HSPBAP1: variants seen among roughly 807,000 people sequenced by gnomAD.
HSPBAP1 encodes HSPB1-associated protein 1.
Under a neutral mutation model 45.2 loss-of-function variants are expected in HSPBAP1, and 27 were observed. The ratio of observed to expected loss-of-function variants is 0.60; its 90% CI spans 0.44 to 0.82. The LOEUF (loss-of-function observed/expected upper bound fraction) is 0.82, where lower values mean the gene tolerates loss of function less well. HSPBAP1 is among the 40% of genes least tolerant of loss of function. The pLI, the probability that HSPBAP1 is intolerant of heterozygous loss-of-function variation, is 0.00. For missense variants in HSPBAP1, 510 were observed against 590.9 expected (o/e 0.86, Z 1.42); for synonymous variants, 204 against 202.7 (o/e 1.01, Z -0.06).
In HSPBAP1 at chr3:122,741,031, T is replaced by C. The variant is rs1241238364; in HGVS notation, c.908A>G (p.Asn303Ser). The C allele has an allele frequency of 3.1e-6, 5 of 1,614,090 alleles. No individual in the cohort carries two copies. Among genetic ancestry groups the C allele is most frequent in the African/African-American group, 1.3e-5 (1 of 74,948 alleles). ...CALKTAENPQ[N>S]TRAWLNPTEV... ...AGTGGGGTTTAACCAGGCTCTGGTA[T>C]TTTGTGGATTCTCTGCAGTTTTCAG... The change falls in exon 7 of 8, where the codon AAT becomes AGT. Residue 303 changes from asparagine (N) to serine (S), a missense_variant. By Grantham distance (46) the Asn-to-Ser change is conservative. Coordinates refer to ENST00000306103, the MANE Select transcript of HSPBAP1 (RefSeq NM_024610.6).
intron 2 of HSPBAP1, among the ~76,000 whole-genome samples, chr3:122,775,817 T>C (rs1935175711): frequency 6.6e-6 from 1 of 152,220 alleles, no homozygotes; most frequent in African/African-American, 2.4e-5. Context: ...AACATGTACA[T>C]GAATGTTCAT....
At chr3:122,754,601 G>A (rs1189266795) in intron 5 of HSPBAP1, 2 of 983,736 alleles carry the variant, frequency 2.0e-6, no homozygotes, top group East Asian at 2.3e-4. Context: ...ATGGATGGAA[G>A]ACAGGCAAGG....
chr3:122,743,503 T>G (rs1428427210), intron 6 of HSPBAP1, among the ~76,000 whole-genome samples: 1 of 152,036 alleles, frequency 6.6e-6, no homozygotes, highest in African/African-American at 2.4e-5. Flanking sequence ...GAGGCGGAGG[T>G]TGCGGTGGGC....
intron 6 of HSPBAP1, among the ~76,000 whole-genome samples, chr3:122,747,508 G>C (rs1040450580): frequency 1.3e-5 from 2 of 150,268 alleles, no homozygotes; most frequent in Non-Finnish European, 1.5e-5. Context: ...CCCCCCTCCC[G>C]GCCAGCCGCC....
intron 1 of HSPBAP1, among the ~76,000 whole-genome samples, chr3:122,789,062 T>C (rs1384575969): frequency 6.6e-6 from 1 of 152,226 alleles, no homozygotes; most frequent in Non-Finnish European, 1.5e-5. Flanking sequence ...ACATGGGAAT[T>C]TTTTACTTTT....
chr3:122,770,571 C>T (rs1253330875), intron 2 of HSPBAP1, among the ~76,000 whole-genome samples: 4 of 152,008 alleles, frequency 2.6e-5, no homozygotes, highest in African/African-American at 7.2e-5. Flanking sequence ...TGTGGTAGCA[C>T]GTGCCTGTAG....
At chr3:122,772,985 A>G (rs563190979) in intron 2 of HSPBAP1, among the ~76,000 whole-genome samples, 5 of 151,980 alleles carry the variant, frequency 3.3e-5, no homozygotes, top group Non-Finnish European at 5.9e-5. Flanking sequence ...AGTAGCTAAG[A>G]CTACAGGTGT....
intron 2 of HSPBAP1, 22 bp downstream of exon 2, chr3:122,777,699 T>C (rs1299736233): frequency 1.9e-6 from 3 of 1,564,704 alleles, no homozygotes; most frequent in Non-Finnish European, 2.6e-6. Flanking sequence ...GACATTATGA[T>C]GGTGATTACC....
chr3:122,751,380 A>G (rs1260407595), intron 6 of HSPBAP1, among the ~76,000 whole-genome samples: 2 of 152,218 alleles, frequency 1.3e-5, no homozygotes, highest in African/African-American at 4.8e-5. Flanking sequence ...GTAATTATCT[A>G]TGTTAGACAG....
intron 6 of HSPBAP1, among the ~76,000 whole-genome samples, chr3:122,747,533 G>T (rs1484544584): frequency 1.3e-5 from 2 of 149,386 alleles, no homozygotes; most frequent in Non-Finnish European, 3.0e-5. Context: ...CTCGGAGGGA[G>T]GTGGGGGTCA....
At chr3:122,764,606 T>C (rs1189451356) in intron 3 of HSPBAP1, among the ~76,000 whole-genome samples, 1 of 152,216 alleles carries the variant, frequency 6.6e-6, no homozygotes, top group Admixed American at 6.5e-5. Flanking sequence ...CTGACTTTTG[T>C]GTATAGCAAA....
At position 122,740,603 on chromosome 3, in the gene HSPBAP1, A is replaced by G. The variant is rs760980916; in HGVS notation, c.1209T>C (p.Pro403=). Residue 403 remains proline (P), a synonymous_variant, in exon 8 of 8, where the codon CCT becomes CCC. Coordinates refer to ENST00000306103, the MANE Select transcript of HSPBAP1 (RefSeq NM_024610.6). The stretch of plus-strand genomic sequence containing the variant: ...TTCCAAATATGCCTCCTCTTTCTGA[A>G]GGCGGTTCTTCGGACCTCTGTGCTA... The part of the protein sequence containing the change: ...VPVAQRSEEP[P]SERGGIFGSD... 5 of 1,614,186 alleles carry G rather than the reference A, an allele frequency of 3.1e-6. No homozygotes were observed. In the Admixed American group the frequency reaches 8.3e-5, roughly 27 times the overall value.
In HSPBAP1 at chr3:122,759,752, G is replaced by A. The variant is rs534163655; in HGVS notation, c.433-392C>T. Among the ~76,000 whole-genome samples, 6 of 152,180 alleles carry A rather than the reference G, an allele frequency of 3.9e-5. No individual in the cohort carries two copies. The South Asian group carries it at 1.0e-3, about 26-fold the overall frequency. Reference sequence around the variant, plus strand: ...AGGGAAAGCGTGTTTTGGGCAGTTAGAACAGTGAATGCAGCGGAAATGGCA... The same window carrying A: ...AGGGAAAGCGTGTTTTGGGCAGTTAAAACAGTGAATGCAGCGGAAATGGCA... On this transcript the variant is annotated intron_variant, in intron 3 of 7. Coordinates refer to ENST00000306103, the MANE Select transcript of HSPBAP1 (RefSeq NM_024610.6).
At chr3:122,758,011 T>C (rs1168999007) in intron 4 of HSPBAP1, among the ~76,000 whole-genome samples, 1 of 152,242 alleles carries the variant, frequency 6.6e-6, no homozygotes, top group Non-Finnish European at 1.5e-5. Context: ...ACGGAATGCA[T>C]CAGAGAGTGG....
intron 3 of HSPBAP1, among the ~76,000 whole-genome samples, chr3:122,766,673 G>C (rs1480084112): frequency 2.6e-5 from 4 of 152,332 alleles, no homozygotes; most frequent in Non-Finnish European, 2.9e-5. Flanking sequence ...AGGACAGAGA[G>C]TCCCAACAGG....
chr3:122,740,616 G>T lies in HSPBAP1; in HGVS notation c.1196C>A (p.Ser399Tyr). Residue 399 changes from serine (S) to tyrosine (Y), a missense_variant, in exon 8 of 8, where the codon TCC (serine) becomes TAC (tyrosine). By Grantham distance (144) the Ser-to-Tyr change is moderately radical. Coordinates refer to ENST00000306103, the MANE Select transcript of HSPBAP1 (RefSeq NM_024610.6). ...GPDLVPVAQR[S>Y]EEPPSERGGI... ...TCCTCTTTCTGAAGGCGGTTCTTCG[G>T]ACCTCTGTGCTACAGGGACCAGATC... 6.2e-7 allele frequency: 1 copy of T among 1,614,102 alleles called. No individual in the cohort carries two copies.
chr3:122,744,656 C>A (rs1484239387), intron 6 of HSPBAP1, among the ~76,000 whole-genome samples: 1 of 152,202 alleles, frequency 6.6e-6, no homozygotes, highest in Non-Finnish European at 1.5e-5. Context: ...AGCTACCATA[C>A]TTCTAAGTAC....
intron 6 of HSPBAP1, among the ~76,000 whole-genome samples, chr3:122,746,602 GCTCTCTCCTCTCTCCTCTCTCCTCT>G (rs1933863880): frequency 1.3e-5 from 2 of 151,428 alleles, no homozygotes; most frequent in South Asian, 4.2e-4. Flanking sequence ...TTAGATCTCA[GCTCTCTCCTCTCTCCTCTCTCCTCT>G]CTCTCTCCTC....
intron 4 of HSPBAP1, among the ~76,000 whole-genome samples, 159 bp from the exon 5 acceptor site, chr3:122,755,590 C>T (rs557824254): frequency 9.2e-5 from 14 of 151,890 alleles, no homozygotes; most frequent in African/African-American, 2.9e-4. Context: ...TCTGACTCAG[C>T]GCTAGAATCC....
Sources: allele counts gnomAD v4.1 joint callset (sites outside exome capture counted in the v4.1 genomes callset), GRCh38; gene constraint gnomAD v4.1.1; transcripts MANE v1.5; gene names NCBI Gene and HGNC (gene_info 2026-07-23, HGNC 2026-07-21).